The following MCTP2 variants were observed in gnomAD, a reference collection of about 807,000 sequenced individuals.
MCTP2 encodes the protein multiple C2 and transmembrane domain containing 2, also known as multiple C2 and transmembrane domain-containing protein 2.
In MCTP2, 132 loss-of-function variants were observed where a neutral mutation model predicts 111.6. The ratio of observed to expected loss-of-function variants is 1.18; its 90% CI spans 1.03 to 1.37. The LOEUF (loss-of-function observed/expected upper bound fraction) is 1.37, where lower values mean the gene tolerates loss of function less well. Among genes scored for constraint, MCTP2 ranks in the 40% most tolerant of loss-of-function variants. The probability of loss-of-function intolerance (pLI) is 0.00; values close to 1 mark genes in which losing one functional copy is unlikely to be tolerated. For synonymous variants in MCTP2, 395 were observed against 387.7 expected (o/e 1.02, Z -0.22); for missense variants, 1,183 against 1,067.9 (o/e 1.11, Z -1.50).
intron 7 of MCTP2, chr15:94,344,203 A>T (rs2077831558): frequency 6.6e-6 from 1 of 152,218 alleles, no homozygotes; most frequent in Non-Finnish European, 1.5e-5. Context: ...TTCTGTACCA[A>T]CATTTCTAGT....
chr15:94,315,464 A>G lies in MCTP2; in HGVS notation c.529-65A>G, dbSNP rs1217652420. On this transcript the variant is annotated intron_variant, in intron 3 of 22. Coordinates refer to ENST00000357742, the MANE Select transcript of MCTP2 (RefSeq NM_001385001.1). ...TTTTTTCCCTCCAAAATCGAGAAGT[A>G]TTTCTGAAATTCTCTTGCTTGGGCC... The G allele has an allele frequency of 1.2e-5, 14 of 1,181,094 alleles. No homozygotes were observed. The East Asian group carries it at 2.2e-4, about 18-fold the overall frequency. The allele number at this position is 1,181,094 out of a possible 1,614,324, so 73.2% of individuals were successfully genotyped here. A position where few individuals can be genotyped will look rare whatever the true frequency, so the allele number is the denominator to read the frequency against.
rs140648009 is a variant in MCTP2, at chr15:94,367,792, G to A, written c.1488+1G>A. 3.1e-6 allele frequency: 5 copies of A among 1,596,488 alleles called. No individual in the cohort carries two copies. The Admixed American group carries it at 7.1e-5, about 23-fold the overall frequency. ...AAGAAAGCAGATTACCCAGCGATATGTGAGTGTTTTTCCTTATTGTACACT... is the reference window on the plus strand; with the variant it reads ...AAGAAAGCAGATTACCCAGCGATATATGAGTGTTTTTCCTTATTGTACACT... On this transcript the variant is annotated splice_donor_variant, in intron 11 of 22. Transcript: ENST00000357742. LOFTEE classifies it high-confidence loss of function.
At chr15:94,340,396 G>GC in intron 6 of MCTP2, 121 bp downstream of exon 6, 1 of 755,490 alleles carries the variant, frequency 1.3e-6, no homozygotes, top group East Asian at 2.5e-5. Flanking sequence ...ATGAAAGAGA[G>GC]CTTTAAAGTG....
At chr15:94,431,051 C>T (rs1017871263) in intron 17 of MCTP2, among the ~76,000 whole-genome samples, 1 of 152,142 alleles carries the variant, frequency 6.6e-6, no homozygotes, top group Admixed American at 6.5e-5. Flanking sequence ...ATCTCATCTT[C>T]AATCCTCATA....
At chr15:94,324,378 G>A (rs1567424249) in intron 4 of MCTP2, among the ~76,000 whole-genome samples, 1 of 152,218 alleles carries the variant, frequency 6.6e-6, no homozygotes, top group Non-Finnish European at 1.5e-5. Context: ...ACCACTGTGG[G>A]CTGAGGGAAT....
intron 12 of MCTP2, among the ~76,000 whole-genome samples, chr15:94,376,922 TTTG>T (rs555124937): frequency 1.2e-3 from 185 of 152,328 alleles, no homozygotes; most frequent in African/African-American, 3.1e-3. Flanking sequence ...TGTTCATCTT[TTTG>T]TTGTTGTTGT....
At chr15:94,290,999 T>C (rs950734083) in intron 1 of MCTP2, among the ~76,000 whole-genome samples, 2 of 152,184 alleles carry the variant, frequency 1.3e-5, no homozygotes, top group East Asian at 1.9e-4. Context: ...AGCAAGGACA[T>C]AGAAGAACTG....
intron 9 of MCTP2, among the ~76,000 whole-genome samples, chr15:94,357,621 GA>G (rs1274604047): frequency 5.3e-5 from 8 of 151,134 alleles, no homozygotes; most frequent in African/African-American, 1.9e-4. Context: ...AGCCTGATGT[GA>G]AAAACAGCTG....
chr15:94,258,455 A>T (rs1379968850), intron 1 of MCTP2, among the ~76,000 whole-genome samples: 1 of 152,192 alleles, frequency 6.6e-6, no homozygotes, highest in African/African-American at 2.4e-5. Context: ...AATTATTTGA[A>T]TGTGCCAGAG....
rs542401617 is a variant in MCTP2, at chr15:94,356,353, A to T, written c.1170+52A>T. ...AACAGTATCTTTAAAATAAAAAAAA[A>T]TTAAAAATTGTTTCCCACTTTAAAT... On this transcript the variant is annotated intron_variant, in intron 9 of 22. Transcript: ENST00000357742. 1.0e-5 allele frequency: 15 copies of T among 1,438,260 alleles called. No homozygotes were observed. In the East Asian group the frequency reaches 3.6e-4, roughly 35 times the overall value. The allele number at this position is 1,438,260 out of a possible 1,614,324, so 89.1% of individuals were successfully genotyped here.
At chr15:94,443,981 C>CAAAAA (rs58768404) in intron 19 of MCTP2, among the ~76,000 whole-genome samples, 1,339 of 69,290 alleles carry the variant, frequency 0.019, 135 homozygotes, top group East Asian at 0.055. Context: ...GATATTTTAC[C>CAAAAA]AAAAAAAAAA....
At chr15:94,374,997 G>A (rs1468584742) in intron 12 of MCTP2, among the ~76,000 whole-genome samples, 3 of 152,082 alleles carry the variant, frequency 2.0e-5, no homozygotes, top group Non-Finnish European at 4.4e-5. Context: ...AGAAATTCCT[G>A]TGACTGGATT....
At chr15:94,301,588 C>T (rs1386165778) in intron 2 of MCTP2, among the ~76,000 whole-genome samples, 3 of 152,206 alleles carry the variant, frequency 2.0e-5, no homozygotes, top group Non-Finnish European at 4.4e-5. Context: ...TAGCACATAA[C>T]GTATGCTCAG....
At chr15:94,283,344 G>A (rs2074588458) in intron 1 of MCTP2, among the ~76,000 whole-genome samples, 1 of 152,192 alleles carries the variant, frequency 6.6e-6, no homozygotes, top group South Asian at 2.1e-4. Context: ...GCCTAGAGGA[G>A]TATGCCAAGC....
rs140025349 is a variant in MCTP2, at chr15:94,468,246, A to G, written c.2361-2087A>G. ...TTTGAGTTTTTACAATGTGCCAGACACTGAGCTAACTATTCTGCAAGTTTT... is the reference window on the plus strand; with the variant it reads ...TTTGAGTTTTTACAATGTGCCAGACGCTGAGCTAACTATTCTGCAAGTTTT... On this transcript the variant is annotated intron_variant, in intron 20 of 22. Transcript: ENST00000357742. Among the ~76,000 whole-genome samples, 847 of 150,394 alleles carry G rather than the reference A, an allele frequency of 5.6e-3. 6 individuals carry two copies. The highest frequency in any genetic ancestry group is 0.03 in the East Asian group (158 of 5,188).
chr15:94,245,636 T>G (rs62017621), intron 1 of MCTP2, among the ~76,000 whole-genome samples: 82 of 141,734 alleles, frequency 5.8e-4, no homozygotes, highest in African/African-American at 2.0e-3. Flanking sequence ...ATACATATAC[T>G]TATACATATA....
At chr15:94,250,876 G>A (rs1400752779) in intron 1 of MCTP2, among the ~76,000 whole-genome samples, 1 of 152,186 alleles carries the variant, frequency 6.6e-6, no homozygotes, top group African/African-American at 2.4e-5. Flanking sequence ...AATTGGTGTT[G>A]GGTATTTATA....
chr15:94,324,842 A>T (rs2076786992), intron 4 of MCTP2, among the ~76,000 whole-genome samples: 1 of 152,188 alleles, frequency 6.6e-6, no homozygotes, highest in African/African-American at 2.4e-5. Context: ...GTTGTTTAAT[A>T]AATTACTAAA....
chr15:94,388,479 T>A (rs1026083759), intron 14 of MCTP2, among the ~76,000 whole-genome samples: 1 of 152,240 alleles, frequency 6.6e-6, no homozygotes, highest in African/African-American at 2.4e-5. Flanking sequence ...CTATCTAATA[T>A]TAGATATAAA....
Sources: gnomAD v4.1 joint callset for allele counts (sites outside exome capture counted in the v4.1 genomes callset) on GRCh38, gnomAD v4.1.1 for gene constraint, MANE v1.5 for transcripts, NCBI Gene and HGNC (gene_info 2026-07-23, HGNC 2026-07-21) for gene names.